Variants in LYPLAL1 observed in about 807,000 individuals in gnomAD.
LYPLAL1 encodes lysophospholipase-like protein 1.
A neutral mutation model predicts 19.7 loss-of-function variants in LYPLAL1; 23 were observed. That is an observed-to-expected ratio of 1.17 (90% CI 0.84 to 1.65). The LOEUF (loss-of-function observed/expected upper bound fraction) is 1.65. Ranked by LOEUF, LYPLAL1 falls within the 40% of genes most tolerant of loss-of-function variation. The pLI is 0.00. For missense variants in LYPLAL1, 355 were observed against 279.4 expected, an observed-to-expected ratio of 1.27 and a Z score of -1.93; for synonymous variants, 119 against 96.3, an observed-to-expected ratio of 1.24 and a Z score of -1.38.
chr1:219,327,117 C>G, the LYPLAL1 span, among the ~76,000 whole-genome samples: 19 of 152,100 alleles, frequency 1.2e-4, no homozygotes, highest in South Asian at 2.1e-3. Context: ...AACAAACAAA[C>G]AAAAAAACAG....
chr1:219,323,583 G>T, the LYPLAL1 span, among the ~76,000 whole-genome samples: 1 of 152,122 alleles, frequency 6.6e-6, no homozygotes, highest in African/African-American at 2.4e-5. Flanking sequence ...TTGAAGCTGG[G>T]CTCTGTTACG....
the LYPLAL1 span, among the ~76,000 whole-genome samples, chr1:219,380,216 A>G: frequency 1.3e-5 from 2 of 152,238 alleles, no homozygotes; most frequent in Non-Finnish European, 2.9e-5. Flanking sequence ...TAGAACTGCA[A>G]GAGATTTATC....
At chr1:219,344,920 T>C in the LYPLAL1 span, among the ~76,000 whole-genome samples, 2 of 152,294 alleles carry the variant, frequency 1.3e-5, no homozygotes, top group South Asian at 4.1e-4. Context: ...ACTGAACTTT[T>C]TTTCTGAGAT....
At chr1:219,208,981 G>A (rs1313848960) in intron 3 of LYPLAL1, among the ~76,000 whole-genome samples, 1 of 152,088 alleles carries the variant, frequency 6.6e-6, no homozygotes, top group Non-Finnish European at 1.5e-5. Context: ...ATGTAGCCCA[G>A]TGGCTTTTAA....
At chr1:219,216,438 T>C (rs188173550), downstream of LYPLAL1, among the ~76,000 whole-genome samples, 1 of 152,270 alleles carries the variant, frequency 6.6e-6, no homozygotes, top group Non-Finnish European at 1.5e-5. Flanking sequence ...GACTTTCTTC[T>C]GTGGCTTCCT....
At chr1:219,389,482 AC>A in the LYPLAL1 span, among the ~76,000 whole-genome samples, 1 of 152,170 alleles carries the variant, frequency 6.6e-6, no homozygotes, top group Non-Finnish European at 1.5e-5. Context: ...AGAAGGAGAC[AC>A]CCTTACAAAT....
intron 3 of LYPLAL1, among the ~76,000 whole-genome samples, chr1:219,194,262 A>T (rs893969064): frequency 6.6e-6 from 1 of 151,936 alleles, no homozygotes; most frequent in African/African-American, 2.4e-5. Flanking sequence ...ACTCTAATAG[A>T]GATAAACATG....
In LYPLAL1 at chr1:219,195,650, T is replaced by TA. The variant is rs1657540233; in HGVS notation, c.361+2402dup. 5.9e-5 allele frequency among the ~76,000 whole-genome samples: 9 copies of TA among 152,186 alleles called. No homozygotes were observed. The South Asian group carries it at 1.9e-3, about 32-fold the overall frequency. On this transcript the variant is annotated intron_variant, in intron 3 of 4. Coordinates refer to ENST00000366928, the MANE Select transcript of LYPLAL1 (RefSeq NM_138794.5). ...GGATTTTCTGCAGTATATTACATTT[T>TA]AAAGAATCCTAGTACAACAAAATCA...
rs919116080 is a variant in LYPLAL1, at chr1:219,174,262, T to A, written c.91+281T>A. 5.3e-6 allele frequency: 7 copies of A among 1,331,514 alleles called. No individual in the cohort carries two copies. In the African/African-American group the frequency reaches 7.4e-5, roughly 14 times the overall value. The allele number at this position is 1,331,514 out of a possible 1,614,324, so 82.5% of individuals were successfully genotyped here. On this transcript the variant is annotated intron_variant, in intron 1 of 4. Transcript: ENST00000366928. ...CAGCCCTCCATCCCCACAACACACC[T>A]CCCCATTCCTCGCCCCAAGTTTAAA...
the LYPLAL1 span, among the ~76,000 whole-genome samples, chr1:219,426,762 C>G: frequency 1.3e-5 from 2 of 152,148 alleles, no homozygotes; most frequent in South Asian, 2.1e-4. Flanking sequence ...CCACACCCAG[C>G]TAGTTTTTAT....
intron 1 of LYPLAL1, among the ~76,000 whole-genome samples, chr1:219,178,270 C>A (rs2125020562): frequency 6.6e-6 from 1 of 152,234 alleles, no homozygotes; most frequent in African/African-American, 2.4e-5. Context: ...GGTACATTTG[C>A]CTTTCACATT....
At chr1:219,392,417 T>C in the LYPLAL1 span, among the ~76,000 whole-genome samples, 1 of 152,196 alleles carries the variant, frequency 6.6e-6, no homozygotes, top group African/African-American at 2.4e-5. Context: ...AGATTTCTGC[T>C]TGAGTCTAAC....
chr1:219,308,095 G>C, the LYPLAL1 span, among the ~76,000 whole-genome samples: 1 of 152,178 alleles, frequency 6.6e-6, no homozygotes, highest in Non-Finnish European at 1.5e-5. Flanking sequence ...TGAGGAACTT[G>C]TTGTGAACTG....
the LYPLAL1 span, among the ~76,000 whole-genome samples, chr1:219,379,793 A>G: frequency 6.6e-6 from 1 of 152,254 alleles, no homozygotes; most frequent in African/African-American, 2.4e-5. Flanking sequence ...CAAGTAAGAA[A>G]TTATTTCATA....
the LYPLAL1 span, among the ~76,000 whole-genome samples, chr1:219,444,449 T>A: frequency 6.6e-6 from 1 of 152,212 alleles, no homozygotes; most frequent in Non-Finnish European, 1.5e-5. Flanking sequence ...TGTCTCACAA[T>A]CATCTAAGCT....
intron 3 of LYPLAL1, among the ~76,000 whole-genome samples, chr1:219,197,843 A>G (rs2125079165): frequency 6.6e-6 from 1 of 152,244 alleles, no homozygotes; most frequent in African/African-American, 2.4e-5. Flanking sequence ...CAAAGCAGAA[A>G]CAAATCTTAA....
the LYPLAL1 span, among the ~76,000 whole-genome samples, chr1:219,264,828 C>A: frequency 6.6e-6 from 1 of 152,196 alleles, no homozygotes; most frequent in Non-Finnish European, 1.5e-5. Flanking sequence ...ATGATTACAA[C>A]AACTCAGAGG....
At chr1:219,206,190 A>G (rs1658555767) in intron 3 of LYPLAL1, among the ~76,000 whole-genome samples, 2 of 152,108 alleles carry the variant, frequency 1.3e-5, no homozygotes, top group South Asian at 4.1e-4. Context: ...TATTTTATAT[A>G]AAGAGTTCAT....
chr1:219,320,138 G>T, the LYPLAL1 span, among the ~76,000 whole-genome samples: 1 of 152,150 alleles, frequency 6.6e-6, no homozygotes, highest in South Asian at 2.1e-4. Flanking sequence ...GTAGGTAAGC[G>T]TTTATAATTT....
Sources: allele counts gnomAD v4.1 joint callset (sites outside exome capture counted in the v4.1 genomes callset), GRCh38; gene constraint gnomAD v4.1.1; transcripts MANE v1.5; gene names NCBI Gene and HGNC (gene_info 2026-07-23, HGNC 2026-07-21).